Variants in FOXK2 observed in about 807,000 individuals in gnomAD.
The protein encoded by FOXK2 is forkhead box protein K2.
FOXK2 carries 24 observed loss-of-function variants against 53.3 expected under a neutral mutation model. That is an observed-to-expected ratio of 0.45 (90% CI 0.33 to 0.63). FOXK2 has a LOEUF of 0.63. FOXK2 is among the 30% of genes least tolerant of loss of function. The probability of loss-of-function intolerance (pLI) is 0.03; values close to 1 mark genes in which losing one functional copy is unlikely to be tolerated. For synonymous variants in FOXK2, 505 were observed against 407.1 expected (o/e 1.24, Z -2.89); for missense variants, 952 against 910.5 (o/e 1.05, Z -0.59).
chr17:82,543,159 T>C (rs1158289908), intron 1 of FOXK2, among the ~76,000 whole-genome samples: 1 of 137,610 alleles, frequency 7.3e-6, no homozygotes, highest in African/African-American at 2.7e-5. Context: ...GATTTTTGTC[T>C]TAAAACTGTT....
chr17:82,598,552 G>A (rs772717672), intron 8 of FOXK2, among the ~76,000 whole-genome samples: 4 of 152,190 alleles, frequency 2.6e-5, no homozygotes, highest in African/African-American at 7.2e-5. Flanking sequence ...CTGGAGGCTG[G>A]CAAGGGCCTT....
At chr17:82,552,012 C>G (rs1425521806) in intron 1 of FOXK2, among the ~76,000 whole-genome samples, 1 of 152,094 alleles carries the variant, frequency 6.6e-6, no homozygotes, top group Non-Finnish European at 1.5e-5. Flanking sequence ...GCCCTGGGCT[C>G]CCCCTTGTGG....
At chr17:82,536,032 G>A (rs1448699294) in intron 1 of FOXK2, among the ~76,000 whole-genome samples, 2 of 147,128 alleles carry the variant, frequency 1.4e-5, no homozygotes, top group African/African-American at 2.5e-5. Flanking sequence ...GTGAACCACC[G>A]TGCCTGGCAT....
intron 1 of FOXK2, among the ~76,000 whole-genome samples, chr17:82,525,022 C>T (rs1384352713): frequency 1.3e-5 from 2 of 149,988 alleles, no homozygotes; most frequent in Non-Finnish European, 3.0e-5. Context: ...GTCGCCCAGG[C>T]TGGGGTACAG....
intron 1 of FOXK2, among the ~76,000 whole-genome samples, chr17:82,558,649 C>A (rs1391387958): frequency 6.6e-6 from 1 of 152,242 alleles, no homozygotes; most frequent in East Asian, 1.9e-4. Flanking sequence ...GGAGTCTGTT[C>A]TGCTGGTCAA....
intron 1 of FOXK2, among the ~76,000 whole-genome samples, chr17:82,535,094 G>C (rs1193948844): frequency 6.6e-6 from 1 of 152,150 alleles, no homozygotes; most frequent in East Asian, 1.9e-4. Flanking sequence ...TGGTTAGGCT[G>C]GTCTCGAACT....
At chr17:82,520,690 G>A (rs1046949595) in intron 1 of FOXK2, among the ~76,000 whole-genome samples, 1 of 152,130 alleles carries the variant, frequency 6.6e-6, no homozygotes, top group Non-Finnish European at 1.5e-5. Context: ...GGGAGGAACT[G>A]CCCCGAACTA....
At chr17:82,526,381 A>G (rs2043622767) in intron 1 of FOXK2, among the ~76,000 whole-genome samples, 1 of 152,180 alleles carries the variant, frequency 6.6e-6, no homozygotes, top group African/African-American at 2.4e-5. Context: ...AGGATAAGGA[A>G]GGAGGCTGGA....
chr17:82,550,976 G>A (rs969189820), intron 1 of FOXK2, among the ~76,000 whole-genome samples: 5 of 152,312 alleles, frequency 3.3e-5, no homozygotes, highest in Admixed American at 6.5e-5. Context: ...GAGCCGGGTC[G>A]TTAGGTGTCA....
At chr17:82,533,613 C>T (rs921912238) in intron 1 of FOXK2, among the ~76,000 whole-genome samples, 2 of 152,120 alleles carry the variant, frequency 1.3e-5, no homozygotes, top group African/African-American at 2.4e-5. Flanking sequence ...GTAGTAGGTT[C>T]GTTGACACCA....
rs960513148 is a variant in FOXK2, at chr17:82,603,348, T to C, written c.*1849T>C. ...TTGCAGTTTGTAAAATAATCAGGAT[T>C]CTGCTCTGTCCTGTGTGTGGGGTCA... On this transcript the variant is annotated 3_prime_UTR_variant, in exon 9 of 9. Transcript: ENST00000335255. 1.3e-5 allele frequency: 2 copies of C among 152,240 alleles called. No homozygotes were observed. Among genetic ancestry groups the C allele is most frequent in the Admixed American group, 6.5e-5 (1 of 15,286 alleles). 9.4% of individuals were successfully genotyped at this position (152,240 alleles called of 1,614,324 possible).
chr17:82,526,560 G>A (rs2044420173), intron 1 of FOXK2, among the ~76,000 whole-genome samples: 2 of 152,092 alleles, frequency 1.3e-5, no homozygotes, highest in Admixed American at 1.3e-4. Flanking sequence ...GCTGGGTGCG[G>A]TGGCTCACGC....
intron 3 of FOXK2, 137 bp from the exon 4 acceptor site, chr17:82,571,587 C>A: frequency 2.2e-6 from 2 of 905,146 alleles, no homozygotes; most frequent in African/African-American, 1.8e-5. Flanking sequence ...GGCGACACAG[C>A]GAGACTCTGT....
intron 1 of FOXK2, among the ~76,000 whole-genome samples, chr17:82,561,827 A>G (rs537910883): frequency 6.4e-4 from 96 of 151,152 alleles, no homozygotes; most frequent in African/African-American, 2.0e-3. Context: ...CTGAAGCGGG[A>G]GGGCCATGGC....
intron 2 of FOXK2, among the ~76,000 whole-genome samples, chr17:82,565,357 A>AC (rs1327181697): frequency 6.6e-6 from 1 of 152,202 alleles, no homozygotes; most frequent in Non-Finnish European, 1.5e-5. Flanking sequence ...GCATCAAAAG[A>AC]CAACATCAGT....
Position 82,520,364 on chromosome 17 carries a change from C to T in FOXK2, c.419+57C>T, listed in dbSNP as rs192049651. 4,757 of 1,209,944 alleles carry T rather than the reference C, an allele frequency of 3.9e-3. 254 individuals carry two copies. In the East Asian group the frequency reaches 0.12, roughly 31 times the overall value. The allele number at this position is 1,209,944 out of a possible 1,614,324, so 75.0% of individuals were successfully genotyped here. A position where few individuals can be genotyped will look rare whatever the true frequency, so the allele number is the denominator to read the frequency against. On this transcript the variant is annotated intron_variant, in intron 1 of 8. Coordinates refer to ENST00000335255, the MANE Select transcript of FOXK2 (RefSeq NM_004514.4). The stretch of plus-strand genomic sequence containing the variant: ...CTGCGGCCTGCAGCGCCTGGCAGGA[C>T]GGGACGGGACACGCGCCCAGGCCCG...
At chr17:82,555,742 A>AG in intron 1 of FOXK2, among the ~76,000 whole-genome samples, 1 of 150,522 alleles carries the variant, frequency 6.6e-6, no homozygotes, top group Middle Eastern at 3.5e-3. Flanking sequence ...AAAAAAAAAA[A>AG]ATTGGCGTGG....
chr17:82,563,307 C>T, intron 1 of FOXK2, 47 bp from the exon 2 acceptor site: 1 of 1,573,624 alleles, frequency 6.4e-7, no homozygotes, highest in Non-Finnish European at 8.6e-7. Context: ...CTGCCCTGCC[C>T]CGGCTGGAAC....
intron 3 of FOXK2, among the ~76,000 whole-genome samples, chr17:82,571,411 G>A (rs923199436): frequency 6.6e-6 from 1 of 152,066 alleles, no homozygotes; most frequent in Non-Finnish European, 1.5e-5. Flanking sequence ...GACCGGCCTG[G>A]CCAACATGGT....
Sources: gnomAD v4.1 joint callset for allele counts (sites outside exome capture counted in the v4.1 genomes callset) on GRCh38, gnomAD v4.1.1 for gene constraint, MANE v1.5 for transcripts, NCBI Gene and HGNC (gene_info 2026-07-23, HGNC 2026-07-21) for gene names.